Variants in ABCC4 observed in about 807,000 individuals in gnomAD.
ABCC4 encodes the protein ATP-binding cassette sub-family C member 4.
In ABCC4, 102 loss-of-function variants were observed where a neutral mutation model predicts 168.5. The observed-to-expected ratio is 0.61, with a 90% CI of 0.52 to 0.71. ABCC4 has a LOEUF of 0.71. ABCC4 is among the 30% of genes least tolerant of loss of function. ABCC4 has a pLI of 0.00. For synonymous variants in ABCC4, 617 were observed against 590.7 expected, an observed-to-expected ratio of 1.04 and a Z score of -0.65; for missense variants, 1,402 against 1,605.8, an observed-to-expected ratio of 0.87 and a Z score of 2.17.
intron 1 of ABCC4, among the ~76,000 whole-genome samples, chr13:95,292,222 G>T (rs898028659): frequency 6.6e-5 from 10 of 152,064 alleles, no homozygotes; most frequent in Non-Finnish European, 1.5e-4. Flanking sequence ...AGCTGGGCAT[G>T]CTGGCACACA....
At chr13:95,195,876 T>C (rs903122322) in intron 8 of ABCC4, among the ~76,000 whole-genome samples, 1 of 152,118 alleles carries the variant, frequency 6.6e-6, no homozygotes, top group African/African-American at 2.4e-5. Context: ...TCAAGCAATC[T>C]ACCCACCTCG....
At chr13:95,234,459 T>C (rs1308474207) in intron 4 of ABCC4, 151 bp downstream of exon 4, 4 of 591,950 alleles carry the variant, frequency 6.8e-6, no homozygotes, top group African/African-American at 3.7e-5. Context: ...GAAGTTTTCT[T>C]CGTTTTTCTT....
intron 20 of ABCC4, among the ~76,000 whole-genome samples, chr13:95,083,978 C>CA (rs2034182813): frequency 6.6e-6 from 1 of 152,140 alleles, no homozygotes; most frequent in Non-Finnish European, 1.5e-5. Context: ...AAGCAGGCAT[C>CA]ATAGACAAGG....
intron 4 of ABCC4, among the ~76,000 whole-genome samples, chr13:95,233,792 G>GT (rs1214553398): frequency 6.6e-6 from 1 of 152,116 alleles, no homozygotes; most frequent in Non-Finnish European, 1.5e-5. Flanking sequence ...AAGAGGTCCT[G>GT]TAACCAATCC....
chr13:95,155,660 A>G (rs190139501), intron 19 of ABCC4, among the ~76,000 whole-genome samples: 4 of 152,296 alleles, frequency 2.6e-5, no homozygotes, highest in African/African-American at 9.6e-5. Context: ...CCACGCACAC[A>G]CTGGAGAAAA....
chr13:95,107,978 C>T (rs1427771208), intron 20 of ABCC4, among the ~76,000 whole-genome samples: 2 of 152,094 alleles, frequency 1.3e-5, no homozygotes, highest in Non-Finnish European at 2.9e-5. Flanking sequence ...AGTGTCCTCT[C>T]TCTCCTGAGC....
intron 4 of ABCC4, 76 bp from the exon 5 acceptor site, chr13:95,210,857 A>C (rs2038934649): frequency 3.6e-6 from 4 of 1,114,868 alleles, no homozygotes; most frequent in East Asian, 4.9e-5. Flanking sequence ...AGCAGACCTG[A>C]GGAAGTCTCG....
intron 4 of ABCC4, among the ~76,000 whole-genome samples, chr13:95,230,035 C>T (rs766688726): frequency 5.3e-5 from 8 of 152,308 alleles, no homozygotes; most frequent in African/African-American, 9.6e-5. Flanking sequence ...AGAGGTTATA[C>T]GAACCCATGC....
intron 19 of ABCC4, among the ~76,000 whole-genome samples, chr13:95,143,723 T>C (rs956365032): frequency 6.6e-6 from 1 of 152,150 alleles, no homozygotes; most frequent in African/African-American, 2.4e-5. Context: ...AGCACTCTCC[T>C]AACATATGAC....
At chr13:95,232,341 C>T (rs550049660) in intron 4 of ABCC4, among the ~76,000 whole-genome samples, 31 of 152,098 alleles carry the variant, frequency 2.0e-4, no homozygotes, top group African/African-American at 7.0e-4. Context: ...GGACACCTTA[C>T]GGACACTCTG....
At chr13:95,031,710 A>G (rs2031885880) in intron 30 of ABCC4, among the ~76,000 whole-genome samples, 1 of 152,184 alleles carries the variant, frequency 6.6e-6, no homozygotes, top group Admixed American at 6.5e-5. Flanking sequence ...TGCATTAAAC[A>G]TTGATTTAAA....
At chr13:95,106,129 T>C (rs367870595) in intron 20 of ABCC4, among the ~76,000 whole-genome samples, 1 of 152,126 alleles carries the variant, frequency 6.6e-6, no homozygotes, top group African/African-American at 2.4e-5. Context: ...TTCAGCTCTC[T>C]ATAGGTTCAA....
chr13:95,237,072 T>G (rs1013294341), intron 3 of ABCC4, among the ~76,000 whole-genome samples: 1 of 152,182 alleles, frequency 6.6e-6, no homozygotes, highest in African/African-American at 2.4e-5. Context: ...CGCTTCTCCA[T>G]TTCAGCCGTA....
At chr13:95,154,948 C>CT (rs1395508549) in intron 19 of ABCC4, among the ~76,000 whole-genome samples, 1 of 152,058 alleles carries the variant, frequency 6.6e-6, no homozygotes, top group African/African-American at 2.4e-5. Flanking sequence ...ATTGATGACT[C>CT]TTTTTTTCTG....
intron 1 of ABCC4, among the ~76,000 whole-genome samples, chr13:95,248,346 T>C (rs1317617223): frequency 2.0e-5 from 3 of 152,154 alleles, no homozygotes; most frequent in Non-Finnish European, 4.4e-5. Flanking sequence ...TTAGAAAACA[T>C]TTTCAATGGG....
At chr13:95,292,931 C>T (rs1003642993) in intron 1 of ABCC4, among the ~76,000 whole-genome samples, 1 of 152,130 alleles carries the variant, frequency 6.6e-6, no homozygotes, top group Non-Finnish European at 1.5e-5. Context: ...GAAGCAAAGT[C>T]TGAACATCTG....
At chr13:95,184,496 A>G (rs1185622301) in intron 11 of ABCC4, among the ~76,000 whole-genome samples, 1 of 152,218 alleles carries the variant, frequency 6.6e-6, no homozygotes, top group Non-Finnish European at 1.5e-5. Flanking sequence ...CTTGAACTGC[A>G]AATGTTCAAG....
At chr13:95,161,985 G>A (rs1037711816) in intron 18 of ABCC4, among the ~76,000 whole-genome samples, 1 of 152,270 alleles carries the variant, frequency 6.6e-6, no homozygotes, top group African/African-American at 2.4e-5. Flanking sequence ...ATTAAGACAT[G>A]AATGAGGATC....
chr13:95,218,517 A>AT (rs2039186558), intron 4 of ABCC4, among the ~76,000 whole-genome samples: 1 of 152,038 alleles, frequency 6.6e-6, no homozygotes, highest in Non-Finnish European at 1.5e-5. Flanking sequence ...GTTTCACCTG[A>AT]TTTTTCATGG....
Sources: allele counts gnomAD v4.1 joint callset (sites outside exome capture counted in the v4.1 genomes callset), GRCh38; gene constraint gnomAD v4.1.1; transcripts MANE v1.5; gene names NCBI Gene and HGNC (gene_info 2026-07-23, HGNC 2026-07-21).